FOXO3: variants seen among roughly 807,000 people sequenced by gnomAD.
FOXO3 encodes the protein forkhead box O3, also known as forkhead box protein O3.
In FOXO3, 4 loss-of-function variants were observed where a neutral mutation model predicts 41.9. The ratio of observed to expected loss-of-function variants is 0.10; its 90% CI spans 0.05 to 0.22. The LOEUF is 0.22. Among genes scored for constraint, FOXO3 ranks in the 10% least tolerant of loss-of-function variants. The pLI is 1.00. For synonymous variants in FOXO3, 318 were observed against 389.3 expected (o/e 0.82, Z 2.16); for missense variants, 534 against 906.8 (o/e 0.59, Z 5.28).
At chr6:108,641,375 G>A (rs1038099130) in intron 1 of FOXO3, among the ~76,000 whole-genome samples, 1 of 151,874 alleles carries the variant, frequency 6.6e-6, no homozygotes, top group African/African-American at 2.4e-5. Flanking sequence ...AGTAAATTTG[G>A]CACATTGAAT....
At chr6:108,579,900 G>A (rs1179448932) in intron 1 of FOXO3, among the ~76,000 whole-genome samples, 1 of 152,090 alleles carries the variant, frequency 6.6e-6, no homozygotes, top group East Asian at 1.9e-4. Flanking sequence ...CCTTAAGGAG[G>A]CTATAGAGGA....
intron 1 of FOXO3, 26 bp from the exon 2 acceptor site, chr6:108,663,429 C>G: frequency 6.3e-7 from 1 of 1,578,564 alleles, no homozygotes; most frequent in Non-Finnish European, 8.6e-7. Context: ...CTGGTTCATA[C>G]TCTGTATTTT....
intron 1 of FOXO3, among the ~76,000 whole-genome samples, chr6:108,610,890 A>C (rs1201738928): frequency 6.6e-6 from 1 of 152,206 alleles, no homozygotes; most frequent in Non-Finnish European, 1.5e-5. Flanking sequence ...AAAACACTGA[A>C]ATTTACCAAT....
At chr6:108,620,943 G>C (rs1406211766) in intron 1 of FOXO3, among the ~76,000 whole-genome samples, 1 of 152,088 alleles carries the variant, frequency 6.6e-6, no homozygotes, top group Non-Finnish European at 1.5e-5. Context: ...ATGTTTCAAT[G>C]AATGATACAA....
chr6:108,644,111 T>C (rs944146515), intron 1 of FOXO3, among the ~76,000 whole-genome samples: 16 of 152,216 alleles, frequency 1.1e-4, no homozygotes, highest in Non-Finnish European at 2.2e-4. Flanking sequence ...CTCCAGATCC[T>C]GTTCCCTCTC....
intron 1 of FOXO3, among the ~76,000 whole-genome samples, chr6:108,577,274 C>T (rs1776288479): frequency 6.6e-6 from 1 of 152,124 alleles, no homozygotes; most frequent in Non-Finnish European, 1.5e-5. Context: ...GTCTTTGGCA[C>T]ACGAGGGTAC....
At chr6:108,576,607 A>G (rs1776268155) in intron 1 of FOXO3, among the ~76,000 whole-genome samples, 1 of 152,244 alleles carries the variant, frequency 6.6e-6, no homozygotes, top group African/African-American at 2.4e-5. Flanking sequence ...CATTTTTAAG[A>G]TGCAGCTTTA....
chr6:108,583,240 C>T (rs1776479562), intron 1 of FOXO3, among the ~76,000 whole-genome samples: 1 of 152,174 alleles, frequency 6.6e-6, no homozygotes, highest in Admixed American at 6.5e-5. Context: ...TTTTATTTCA[C>T]TGTGGCTGGT....
intron 1 of FOXO3, among the ~76,000 whole-genome samples, chr6:108,615,448 G>T (rs1777469733): frequency 6.6e-6 from 1 of 151,866 alleles, no homozygotes; most frequent in African/African-American, 2.4e-5. Context: ...TCTCTGAAAA[G>T]TGATTTGCTC....
intron 1 of FOXO3, among the ~76,000 whole-genome samples, chr6:108,601,424 C>T (rs1231932832): frequency 6.6e-6 from 1 of 152,218 alleles, no homozygotes; most frequent in Admixed American, 6.5e-5. Context: ...CTGCCTCACC[C>T]TCCCGAGTAG....
intron 1 of FOXO3, among the ~76,000 whole-genome samples, chr6:108,640,593 G>A (rs981089404): frequency 3.9e-5 from 6 of 152,078 alleles, no homozygotes; most frequent in Non-Finnish European, 7.4e-5. Flanking sequence ...TTTCATTTGT[G>A]TGAACATTTT....
chr6:108,675,920 A>G (rs570593566), intron 2 of FOXO3, among the ~76,000 whole-genome samples: 4 of 152,316 alleles, frequency 2.6e-5, no homozygotes, highest in African/African-American at 9.6e-5. Flanking sequence ...TTATTCCCAG[A>G]TTAAAGTTGA....
chr6:108,636,813 T>C (rs1056119893), intron 1 of FOXO3, among the ~76,000 whole-genome samples: 16 of 152,168 alleles, frequency 1.1e-4, no homozygotes, highest in African/African-American at 3.9e-4. Flanking sequence ...GACTTCATGT[T>C]CTGTGTCCAT....
chr6:108,663,959 A>G lies in FOXO3; in HGVS notation c.1126A>G (p.Met376Val), dbSNP rs1461493775. 4 of 1,614,068 alleles carry G rather than the reference A, an allele frequency of 2.5e-6. No homozygotes were observed. The highest frequency in any genetic ancestry group is 1.3e-5 in the African/African-American group (1 of 74,924). The stretch of plus-strand genomic sequence containing the variant: ...ACGGCTGACTGATATGGCAGGCACC[A>G]TGAATCTGAATGATGGGCTGACTGA... ...LPRLTDMAGTMNLNDGLTENL... is the reference protein window; with the variant it reads ...LPRLTDMAGTVNLNDGLTENL... The change falls in exon 2 of 3, where the codon ATG becomes GTG. Residue 376 changes from methionine (M) to valine (V), a missense_variant. This residue lies in a region of FOXO3 where 185 missense variants were observed against 224.9 expected (regional missense o/e 0.82). Transcript: ENST00000406360.
chr6:108,675,199 A>C (rs768031661), intron 2 of FOXO3, among the ~76,000 whole-genome samples: 8 of 152,174 alleles, frequency 5.3e-5, no homozygotes, highest in Non-Finnish European at 1.2e-4. Flanking sequence ...AAATTTAAGC[A>C]ACAGAAAAGC....
At chr6:108,599,619 C>T (rs1233769114) in intron 1 of FOXO3, among the ~76,000 whole-genome samples, 2 of 152,162 alleles carry the variant, frequency 1.3e-5, no homozygotes, top group African/African-American at 2.4e-5. Flanking sequence ...CAACTTCTGA[C>T]TGCAAATGAT....
intron 2 of FOXO3, among the ~76,000 whole-genome samples, chr6:108,674,327 A>G (rs1447720908): frequency 6.6e-6 from 1 of 152,236 alleles, no homozygotes; most frequent in African/African-American, 2.4e-5. Context: ...CAACATTTAT[A>G]GTGCATCCAT....
At chr6:108,645,727 T>C (rs1778377229) in intron 1 of FOXO3, among the ~76,000 whole-genome samples, 2 of 152,206 alleles carry the variant, frequency 1.3e-5, no homozygotes, top group Non-Finnish European at 2.9e-5. Context: ...AGGGTAGGTA[T>C]AGAATATAGG....
At chr6:108,628,373 T>G (rs1020440292) in intron 1 of FOXO3, among the ~76,000 whole-genome samples, 2 of 152,264 alleles carry the variant, frequency 1.3e-5, no homozygotes, top group African/African-American at 2.4e-5. Context: ...AAAAGCCCTG[T>G]ATGAGTGTGT....
Sources: gnomAD v4.1 joint callset for allele counts (sites outside exome capture counted in the v4.1 genomes callset) on GRCh38, gnomAD v4.1.1 for gene constraint, gnomAD v4.1.1 regional missense constraint, MANE v1.5 for transcripts, NCBI Gene and HGNC (gene_info 2026-07-23, HGNC 2026-07-21) for gene names.